Variants in RPS6KA3 observed in about 807,000 individuals in gnomAD.
RPS6KA3 encodes ribosomal protein S6 kinase A3.
In RPS6KA3, 4 loss-of-function variants were observed where a neutral mutation model predicts 67.2. That is an observed-to-expected ratio of 0.06 (90% CI 0.03 to 0.14). The LOEUF (loss-of-function observed/expected upper bound fraction) is 0.14, where lower values mean the gene tolerates loss of function less well. Among genes scored for constraint, RPS6KA3 ranks in the 10% least tolerant of loss-of-function variants. The probability of loss-of-function intolerance (pLI) is 1.00; values close to 1 mark genes in which losing one functional copy is unlikely to be tolerated. For synonymous variants in RPS6KA3, 182 were observed against 183.7 expected (o/e 0.99, Z 0.07); for missense variants, 204 against 559.0 (o/e 0.36, Z 6.40).
At chrX:20,265,074 T>G (rs1002046718) in intron 1 of RPS6KA3, among the ~76,000 whole-genome samples, 1 of 111,920 alleles carries the variant, frequency 8.9e-6, no homozygotes, top group East Asian at 2.8e-4. Context: ...TTTCCTTTCT[T>G]TCTTTCCTTT....
chrX:20,210,693 A>C (rs1289785222), intron 2 of RPS6KA3, among the ~76,000 whole-genome samples: 1 of 111,738 alleles, frequency 8.9e-6, no homozygotes, highest in Non-Finnish European at 1.9e-5. Context: ...AGGCAGTTCA[A>C]TCATATTGGA....
chrX:20,180,231 G>C (rs1460018053), intron 10 of RPS6KA3, among the ~76,000 whole-genome samples: 3 of 110,664 alleles, frequency 2.7e-5, no homozygotes, highest in African/African-American at 9.9e-5. Flanking sequence ...TACAACGGAG[G>C]AATCAGCTGC....
intron 4 of RPS6KA3, among the ~76,000 whole-genome samples, chrX:20,198,632 G>A (rs1299620759): frequency 3.6e-5 from 4 of 111,503 alleles, no homozygotes; most frequent in South Asian, 3.7e-4. Flanking sequence ...ACAAGTATCC[G>A]CAACAAATAA....
rs1246859669 is a variant in RPS6KA3 at position 20,153,503 on chromosome X, C to G, written c.*1895G>C. On this transcript the variant is annotated 3_prime_UTR_variant, in exon 22 of 22. Transcript: ENST00000379565. ...TCAGGACATTTAGATAAACCACACTCTCTTGGCTTTGTACTCTTAGGGGAA... is the reference window on the plus strand; with the variant it reads ...TCAGGACATTTAGATAAACCACACTGTCTTGGCTTTGTACTCTTAGGGGAA... 1 of 111,696 alleles carries G rather than the reference C, an allele frequency of 9.0e-6. No homozygotes were observed. The highest frequency in any genetic ancestry group is 1.9e-5 in the Non-Finnish European group (1 of 53,106). 9.2% of individuals were successfully genotyped at this position (111,696 alleles called of 1,213,427 possible). A position where few individuals can be genotyped will look rare whatever the true frequency, so the allele number is the denominator to read the frequency against.
At chrX:20,213,734 GAAA>G (rs939264347) in intron 2 of RPS6KA3, among the ~76,000 whole-genome samples, 1 of 102,066 alleles carries the variant, frequency 9.8e-6, no homozygotes, top group Non-Finnish European at 2.0e-5. Flanking sequence ...ATAAAATAAA[GAAA>G]AAAAAAAGAA....
intron 1 of RPS6KA3, among the ~76,000 whole-genome samples, chrX:20,249,451 T>A (rs757023161): frequency 2.9e-4 from 32 of 112,263 alleles, no homozygotes; most frequent in African/African-American, 8.4e-4. Flanking sequence ...TCTAGTTTGT[T>A]TGCATCCTCG....
intron 18 of RPS6KA3, among the ~76,000 whole-genome samples, chrX:20,163,437 C>T (rs978963395): frequency 2.8e-5 from 3 of 106,555 alleles, no homozygotes; most frequent in Admixed American, 1.0e-4. Flanking sequence ...TTATCAGGTA[C>T]GAACTATGAG....
chrX:20,227,894 T>C (rs932353411), intron 2 of RPS6KA3, among the ~76,000 whole-genome samples: 8 of 110,904 alleles, frequency 7.2e-5, no homozygotes, highest in Admixed American at 2.9e-4. Context: ...ATTTCCTCTA[T>C]TGTCTCTTTC....
At chrX:20,221,652 CAGAAA>C (rs1186874166) in intron 2 of RPS6KA3, among the ~76,000 whole-genome samples, 1 of 111,992 alleles carries the variant, frequency 8.9e-6, no homozygotes, top group Non-Finnish European at 1.9e-5. Flanking sequence ...ACATCTTTTA[CAGAAA>C]CAGGTGACAG....
chrX:20,235,569 G>A (rs890168528), intron 1 of RPS6KA3: 3 of 111,211 alleles, frequency 2.7e-5, no homozygotes, highest in South Asian at 3.7e-4. Flanking sequence ...ACTCATCAAA[G>A]AAATGCATTT....
At chrX:20,195,229 A>G in intron 4 of RPS6KA3, 84 bp from the exon 5 acceptor site, 1 of 631,874 alleles carries the variant, frequency 1.6e-6, no homozygotes, top group Admixed American at 2.5e-5. Flanking sequence ...CCCATGTTAA[A>G]TAAAATTTTG....
At chrX:20,202,021 C>T (rs1455594382) in intron 4 of RPS6KA3, among the ~76,000 whole-genome samples, 1 of 99,080 alleles carries the variant, frequency 1.0e-5, no homozygotes, top group Admixed American at 1.1e-4. Context: ...CTCTTGTCGC[C>T]TAGGCTGGAG....
At chrX:20,185,037 C>A (rs933429272) in intron 10 of RPS6KA3, among the ~76,000 whole-genome samples, 3 of 111,057 alleles carry the variant, frequency 2.7e-5, no homozygotes, top group African/African-American at 9.9e-5. Flanking sequence ...CCTCTGCCTC[C>A]CGGGTTCAAG....
chrX:20,187,765 T>C, intron 9 of RPS6KA3, 63 bp downstream of exon 9: 1 of 945,928 alleles, frequency 1.1e-6, no homozygotes. Flanking sequence ...TCTTTAACAT[T>C]CACTGCTGAT....
chrX:20,187,324 T>C (rs1417014347), intron 9 of RPS6KA3, among the ~76,000 whole-genome samples: 1 of 111,480 alleles, frequency 9.0e-6, no homozygotes, highest in African/African-American at 3.3e-5. Context: ...GTTCTAGCGA[T>C]TCTCCAGCCT....
chrX:20,234,431 C>T (rs111664910), intron 2 of RPS6KA3, among the ~76,000 whole-genome samples: 2,608 of 111,597 alleles, frequency 0.023, 75 homozygotes, highest in African/African-American at 0.079. Context: ...GCCAAGATCG[C>T]GCCATTGCAC....
At chrX:20,256,274 C>T (rs775574881) in intron 1 of RPS6KA3, among the ~76,000 whole-genome samples, 1 of 106,179 alleles carries the variant, frequency 9.4e-6, no homozygotes, top group African/African-American at 3.5e-5. Context: ...CATAACTTTC[C>T]TTTTAAATTT....
chrX:20,170,933 C>T (rs1169207003), intron 15 of RPS6KA3, among the ~76,000 whole-genome samples: 1 of 109,997 alleles, frequency 9.1e-6, no homozygotes, highest in East Asian at 2.9e-4. Flanking sequence ...TGTAGCCACG[C>T]CTGGCTAATT....
chrX:20,216,669 A>C (rs2068860924), intron 2 of RPS6KA3, among the ~76,000 whole-genome samples: 1 of 110,337 alleles, frequency 9.1e-6, no homozygotes, highest in Non-Finnish European at 1.9e-5. Context: ...GGAGGTGAGA[A>C]AGTCAAGCAC....
Sources: allele counts gnomAD v4.1 joint callset (sites outside exome capture counted in the v4.1 genomes callset), GRCh38; gene constraint gnomAD v4.1.1; transcripts MANE v1.5; gene names NCBI Gene and HGNC (gene_info 2026-07-23, HGNC 2026-07-21).